SBSN: variants seen among roughly 807,000 people sequenced by gnomAD.
SBSN encodes the protein HLAR698.
In SBSN, 33 loss-of-function variants were observed where a neutral mutation model predicts 42.8. The observed-to-expected ratio is 0.77, with a 90% CI of 0.58 to 1.03. The LOEUF (loss-of-function observed/expected upper bound fraction) is 1.03. SBSN is among the 50% of genes least tolerant of loss of function. SBSN has a pLI of 0.00. For synonymous variants in SBSN, 276 were observed against 307.0 expected (o/e 0.90, Z 1.06); for missense variants, 646 against 757.3 (o/e 0.85, Z 1.72).
At chr19:35,526,222 A>C (rs550305914) in intron 1 of SBSN, among the ~76,000 whole-genome samples, 2 of 152,180 alleles carry the variant, frequency 1.3e-5, no homozygotes, top group African/African-American at 4.8e-5. Flanking sequence ...GCCAAGGCTC[A>C]TCTCCGAAAG....
At position 35,524,663 on chromosome 19, in the gene SBSN, G is replaced by A. The variant is rs778061157; in HGVS notation, c.1749+48C>T. ...ACACCGGGAAGGGGTCGGGGTGAGC[G>A]TATCTATCAGGACGCAGAGCAGAAA... On this transcript the variant is annotated intron_variant, in intron 3 of 3. Coordinates refer to ENST00000452271, the MANE Select transcript of SBSN (RefSeq NM_001166034.2). The A allele has an allele frequency of 1.1e-5, 17 of 1,600,888 alleles. No homozygotes were observed. In the African/African-American group the frequency reaches 1.3e-4, roughly 13 times the overall value.
Position 35,526,855 on chromosome 19 carries a change from G to T in SBSN, c.1427C>A (p.Ala476Glu), listed in dbSNP as rs778619266. The change falls in exon 1 of 4, where the codon GCG (alanine) becomes GAG (glutamate). Residue 476 changes from alanine (A) to glutamate (E), a missense_variant. Around this residue, in one of 3 missense-constraint regions of SBSN, gnomAD observed 236 missense variants for 225.6 expected, o/e 1.05. Coordinates refer to ENST00000452271, the MANE Select transcript of SBSN (RefSeq NM_001166034.2). ...LEQAGKEADK[A>E]VQGFHTGVHQ... ...GACCCCAGTGTGGAACCCTTGGACC[G>T]CTTTGTCTGCTTCCTTCCCGGCCTG... 1.7e-5 allele frequency: 28 copies of T among 1,612,884 alleles called. No individual in the cohort carries two copies. The African/African-American group carries it at 2.5e-4, about 15-fold the overall frequency.
At chr19:35,526,613 GTC>G in intron 1 of SBSN, 29 bp downstream of exon 1, 1 of 281,790 alleles carries the variant, frequency 3.5e-6, no homozygotes, top group South Asian at 3.8e-5. Flanking sequence ...CAACCCCCCT[GTC>G]CCCCATCTCC....
chr19:35,524,588 G>A, intron 3 of SBSN, 123 bp downstream of exon 3: 1 of 920,610 alleles, frequency 1.1e-6, no homozygotes, highest in Non-Finnish European at 1.7e-6. Flanking sequence ...CAGGTTGGAG[G>A]GTCTTTGCAG....
chr19:35,524,955 C>T (rs1377629708), intron 1 of SBSN, 31 bp from the exon 2 acceptor site: 4 of 1,611,500 alleles, frequency 2.5e-6, no homozygotes, highest in Non-Finnish European at 2.5e-6. Context: ...CTTGTTACAA[C>T]CCCACAAACG....
chr19:35,525,626 T>C (rs966510838), intron 1 of SBSN, among the ~76,000 whole-genome samples: 5 of 152,184 alleles, frequency 3.3e-5, no homozygotes, highest in Admixed American at 6.5e-5. Context: ...GTGCCTGTTC[T>C]GTTGTGAGTG....
At chr19:35,525,098 G>A (rs1323633770) in intron 1 of SBSN, among the ~76,000 whole-genome samples, 174 bp from the exon 2 acceptor site, 12 of 152,082 alleles carry the variant, frequency 7.9e-5, no homozygotes, top group Non-Finnish European at 1.3e-4. Flanking sequence ...TGCTCGCGTG[G>A]GCATTCTGCC....
rs1240319507 is a variant in SBSN, at chr19:35,527,571, C to T, written c.711G>A (p.Lys237=). The stretch of plus-strand genomic sequence containing the variant: ...CCCCCTGGCCAAACTTCTCTGCCTC[C>T]TTCCCAACCTGACCGGCAGCATGGT... The part of the protein sequence containing the change: ...GIHHAAGQVG[K]EAEKFGQGAH... Residue 237 remains lysine (K), a synonymous_variant, in exon 1 of 4, where the codon AAG becomes AAA. Transcript: ENST00000452271. The T allele has an allele frequency of 3.3e-6, 5 of 1,520,988 alleles. No individual in the cohort carries two copies. Among genetic ancestry groups the T allele is most frequent in the Non-Finnish European group, 4.4e-6 (5 of 1,143,806 alleles). The allele number at this position is 1,520,988 out of a possible 1,614,324, so 94.2% of individuals were successfully genotyped here. A position where few individuals can be genotyped will look rare whatever the true frequency, so the allele number is the denominator to read the frequency against.
rs1419636280 is a variant in SBSN at position 35,528,208 on chromosome 19, C to T, written c.74G>A (p.Ser25Asn). 9.3e-6 allele frequency: 15 copies of T among 1,613,924 alleles called. No individual in the cohort carries two copies. Among genetic ancestry groups the T allele is most frequent in the Non-Finnish European group, 1.3e-5 (15 of 1,180,032 alleles). ...LLGALSGWAA[S>N]DDPIEKVIEG... The stretch of plus-strand genomic sequence containing the variant: ...AATGACCTTCTCAATGGGGTCATCG[C>T]TGGCCGCCCATCCAGACAGGGCCCC... The change falls in exon 1 of 4, where the codon AGC becomes AAC. Residue 25 changes from serine (S) to asparagine (N), a missense_variant. By Grantham distance (46) the Ser-to-Asn change is conservative. Around this residue, in one of 3 missense-constraint regions of SBSN, gnomAD observed 190 missense variants for 197.1 expected, o/e 0.96. Transcript: ENST00000452271.
intron 3 of SBSN, among the ~76,000 whole-genome samples, chr19:35,524,384 T>TGTG (rs1555805050): frequency 1.3e-5 from 2 of 151,340 alleles, no homozygotes. Flanking sequence ...AATCGAGGAA[T>TGTG]GACAAGGAGA....
chr19:35,525,723 C>T (rs2071363015), intron 1 of SBSN, among the ~76,000 whole-genome samples: 1 of 152,072 alleles, frequency 6.6e-6, no homozygotes, highest in African/African-American at 2.4e-5. Flanking sequence ...CACTCTGTTG[C>T]CCAGGCTGGA....
At chr19:35,523,748 C>T (rs1397643524) in intron 3 of SBSN, among the ~76,000 whole-genome samples, 1 of 152,188 alleles carries the variant, frequency 6.6e-6, no homozygotes, top group Non-Finnish European at 1.5e-5. Flanking sequence ...CTGCAGGAAC[C>T]AACAAGCCTC....
Position 35,527,048 on chromosome 19 carries a change from C to A in SBSN, c.1234G>T (p.Val412Phe), listed in dbSNP as rs528754977. ...CCCGCCTCCCTTCCAGCCTGACTAA[C>A]GCCATGATGGAGGCCTTGGACCACT... ...DRVVQGLHHG[V>F]SQAGREAGQF... The change falls in exon 1 of 4, where the codon GTT becomes TTT. Residue 412 changes from valine (V) to phenylalanine (F), a missense_variant. Physicochemically the swap from Val to Phe is conservative, Grantham distance 50. Transcript: ENST00000452271. 7.1e-6 allele frequency: 11 copies of A among 1,539,624 alleles called. No individual in the cohort carries two copies. Among genetic ancestry groups the A allele is most frequent in the Non-Finnish European group, 9.6e-6 (11 of 1,146,958 alleles).
At position 35,523,429 on chromosome 19, in the gene SBSN, C is replaced by A. The variant is rs1265348895; in HGVS notation, c.*81G>T. The A allele has an allele frequency of 7.1e-7, 1 of 1,400,560 alleles. No homozygotes were observed. The highest frequency in any genetic ancestry group is 1.0e-6 in the Non-Finnish European group (1 of 986,272). 86.8% of individuals were successfully genotyped at this position (1,400,560 alleles called of 1,614,324 possible). A position where few individuals can be genotyped will look rare whatever the true frequency, so the allele number is the denominator to read the frequency against. On this transcript the variant is annotated 3_prime_UTR_variant, in exon 4 of 4. Coordinates refer to ENST00000452271, the MANE Select transcript of SBSN (RefSeq NM_001166034.2). ...CCCTTCAGGGATTTCAGAAACCTGT[C>A]CCCCACCCCCAACCCCTCCAGGTCA...
intron 2 of SBSN, 38 bp downstream of exon 2, chr19:35,524,821 A>AG (rs775175386): frequency 6.2e-7 from 1 of 1,613,774 alleles, no homozygotes; most frequent in South Asian, 1.1e-5. Flanking sequence ...GGGAACTCCC[A>AG]GGGGCCTCCT....
At chr19:35,525,615 G>C (rs2071361881) in intron 1 of SBSN, among the ~76,000 whole-genome samples, 1 of 152,050 alleles carries the variant, frequency 6.6e-6, no homozygotes, top group Non-Finnish European at 1.5e-5. Context: ...CTCCCTTCTT[G>C]GTGCCTGTTC....
rs1197253084 is a variant in SBSN at position 35,527,282 on chromosome 19, G to T, written c.1000C>A (p.Gln334Lys). 1.8e-5 allele frequency: 28 copies of T among 1,532,534 alleles called. No individual in the cohort carries two copies. The highest frequency in any genetic ancestry group is 2.4e-5 in the Non-Finnish European group (28 of 1,145,534). The allele number at this position is 1,532,534 out of a possible 1,614,324, so 94.9% of individuals were successfully genotyped here. Residue 334 changes from glutamine to lysine, a missense_variant, in exon 1 of 4, where the codon CAG (glutamine) becomes AAG (lysine). This residue lies in a region of SBSN where 220 missense variants were observed against 334.5 expected (regional missense o/e 0.66). Transcript: ENST00000452271. ...TCACTGAGACCATGGTGGACCCCCTGGCCAAACCTCCCAGCCTCATTTCCG... is the reference window on the plus strand; with the variant it reads ...TCACTGAGACCATGGTGGACCCCCTTGCCAAACCTCCCAGCCTCATTTCCG... ...QAGNEAGRFG[Q>K]GVHHGLSEGW...
chr19:35,526,564 C>T lies in SBSN; in HGVS notation c.1638+80G>A. The stretch of plus-strand genomic sequence containing the variant: ...AACAAAGGCTACGCGGACCCCCCCG[C>T]CCCGCCAAATGTCCCAGGGGTTTAA... On this transcript the variant is annotated intron_variant, in intron 1 of 3. Transcript: ENST00000452271. 3 of 1,137,062 alleles carry T rather than the reference C, an allele frequency of 2.6e-6. 1 individual carries two copies. The South Asian group carries it at 5.0e-5, about 19-fold the overall frequency. The allele number at this position is 1,137,062 out of a possible 1,614,324, so 70.4% of individuals were successfully genotyped here.
rs2071333819 is a variant in SBSN, at chr19:35,523,438, C to A, written c.*72G>T. On this transcript the variant is annotated 3_prime_UTR_variant, in exon 4 of 4. Transcript: ENST00000452271. ...GATTTCAGAAACCTGTCCCCCACCCCCAACCCCTCCAGGTCATGTCAGCTG... is the reference window on the plus strand; with the variant it reads ...GATTTCAGAAACCTGTCCCCCACCCACAACCCCTCCAGGTCATGTCAGCTG... 2 of 1,513,774 alleles carry A rather than the reference C, an allele frequency of 1.3e-6. No homozygotes were observed. Among genetic ancestry groups the A allele is most frequent in the South Asian group, 2.2e-5 (2 of 89,178 alleles). The allele number at this position is 1,513,774 out of a possible 1,614,324, so 93.8% of individuals were successfully genotyped here. A position where few individuals can be genotyped will look rare whatever the true frequency, so the allele number is the denominator to read the frequency against.
Sources: gnomAD v4.1 joint callset for allele counts (sites outside exome capture counted in the v4.1 genomes callset) on GRCh38, gnomAD v4.1.1 for gene constraint, gnomAD v4.1.1 regional missense constraint, MANE v1.5 for transcripts, NCBI Gene and HGNC (gene_info 2026-07-23, HGNC 2026-07-21) for gene names.